KLHL12: variants seen among roughly 807,000 people sequenced by gnomAD.
KLHL12 encodes kelch-like protein 12.
A neutral mutation model predicts 60.8 loss-of-function variants in KLHL12; 17 were observed. The ratio of observed to expected loss-of-function variants is 0.28; its 90% CI spans 0.19 to 0.42. KLHL12 has a LOEUF of 0.42. Among genes scored for constraint, KLHL12 ranks in the 10% least tolerant of loss-of-function variants. The pLI is 1.00. For synonymous variants in KLHL12, 220 were observed against 250.9 expected (o/e 0.88, Z 1.16); for missense variants, 468 against 722.3 (o/e 0.65, Z 4.04).
chr1:202,902,844 A>G (rs1660052577), intron 6 of KLHL12, among the ~76,000 whole-genome samples: 1 of 152,130 alleles, frequency 6.6e-6, no homozygotes, highest in African/African-American at 2.4e-5. Context: ...ACAAAAAATT[A>G]GCCAGGTCTG....
chr1:202,904,016 T>TTATCTATC lies in KLHL12; in HGVS notation c.832+4986_832+4993dup, dbSNP rs59667776. On this transcript the variant is annotated intron_variant, in intron 6 of 11. Coordinates refer to ENST00000367261, the MANE Select transcript of KLHL12 (RefSeq NM_021633.4). ...TGTATCTATCTATCTATCTATCTAT[T>TTATCTATC]TATCTATCTATCTATCTATGAGATG... is the stretch of plus-strand genomic sequence containing the variant. 3.9e-3 allele frequency among the ~76,000 whole-genome samples: 590 copies of TTATCTATC among 150,122 alleles called. 1 individual carries two copies. The highest frequency in any genetic ancestry group is 5.1e-3 in the Non-Finnish European group (346 of 67,766).
At chr1:202,900,606 G>C (rs1260203609) in intron 6 of KLHL12, among the ~76,000 whole-genome samples, 1 of 151,956 alleles carries the variant, frequency 6.6e-6, no homozygotes, top group Non-Finnish European at 1.5e-5. Context: ...GCTCACGCCT[G>C]TAATCACAGC....
Position 202,911,168 on chromosome 1 carries a change from G to C in KLHL12, c.603C>G (p.Ile201Met). Residue 201 changes from isoleucine (I) to methionine (M), a missense_variant, in exon 5 of 12, where the codon ATC (isoleucine) becomes ATG (methionine). Physicochemically the swap from Ile to Met is conservative, Grantham distance 10 (BLOSUM62 1). Transcript: ENST00000367261. The part of the protein sequence containing the change: ...DSEEPVFEAV[I>M]NWVKHAKKER... ...CTTTCTTGGCATGCTTCACCCAGTT[G>C]ATGACAGCCTCAAAGACTGGCTCTT... 6.2e-7 allele frequency: 1 copy of C among 1,614,068 alleles called. No individual in the cohort carries two copies. The highest frequency in any genetic ancestry group is 1.1e-5 in the South Asian group (1 of 91,070).
In KLHL12 at chr1:202,895,427, C is replaced by T. The variant is rs562369125; in HGVS notation, c.1135+95G>A. The stretch of plus-strand genomic sequence containing the variant: ...ATAACATTTGACCTTAATTTTTTCT[C>T]CGTATTTCATGCTCCTGCCAGACAA... On this transcript the variant is annotated intron_variant, in intron 8 of 11. Coordinates refer to ENST00000367261, the MANE Select transcript of KLHL12 (RefSeq NM_021633.4). This position sits in a 1 kb window ranked among gnomAD's most constrained non-coding sequence, Gnocchi z 4.2. 8 of 1,066,996 alleles carry T rather than the reference C, an allele frequency of 7.5e-6. No homozygotes were observed. The highest frequency in any genetic ancestry group is 1.1e-5 in the Non-Finnish European group (8 of 728,022). 66.1% of individuals were successfully genotyped at this position (1,066,996 alleles called of 1,614,324 possible).
At position 202,903,948 on chromosome 1, in the gene KLHL12, A is replaced by G. The variant is rs1353814656; in HGVS notation, c.832+5062T>C. Among the ~76,000 whole-genome samples the G allele has an allele frequency of 2.0e-4, 30 of 151,688 alleles. 1 individual carries two copies. The highest frequency in any genetic ancestry group is 2.0e-3 in the Admixed American group (30 of 15,224). On this transcript the variant is annotated intron_variant, in intron 6 of 11. Transcript: ENST00000367261. ...TCATGCATTCTTATGAGCTCTTTACACACAAATGGTTTTAACCCTTTAACC... is the reference window on the plus strand; with the variant it reads ...TCATGCATTCTTATGAGCTCTTTACGCACAAATGGTTTTAACCCTTTAACC...
In KLHL12 at chr1:202,895,732, A is replaced by T. The variant is rs770944885; in HGVS notation, c.940-15T>A. The T allele has an allele frequency of 9.3e-6, 15 of 1,610,406 alleles. No individual in the cohort carries two copies. Among genetic ancestry groups the T allele is most frequent in the Non-Finnish European group, 1.3e-5 (15 of 1,177,378 alleles). ...CGAGTGATGCTCTATGGATTTGGAG[A>T]GAAGAGGTACAGAGCATTTCAGTTA... On this transcript the variant is annotated splice_polypyrimidine_tract_variant and intron_variant, in intron 7 of 11. Transcript: ENST00000367261. The surrounding 1 kb of genome is among the most constrained non-coding windows in gnomAD (Gnocchi z 4.2).
chr1:202,926,081 G>C (rs930557373), intron 1 of KLHL12, among the ~76,000 whole-genome samples: 11 of 150,144 alleles, frequency 7.3e-5, no homozygotes, highest in Non-Finnish European at 1.5e-5. Context: ...CTCCAGCCTG[G>C]GCAACAGAGC....
intron 4 of KLHL12, 25 bp from the exon 5 acceptor site, chr1:202,911,228 T>C (rs1016848992): frequency 3.1e-6 from 5 of 1,611,928 alleles, no homozygotes; most frequent in Non-Finnish European, 4.2e-6. Context: ...TTACACACCG[T>C]GGATCCTACT....
chr1:202,925,334 A>G, intron 1 of KLHL12, 127 bp from the exon 2 acceptor site: 1 of 1,081,780 alleles, frequency 9.2e-7, no homozygotes, highest in Non-Finnish European at 1.3e-6. Context: ...AGTTGAGGGC[A>G]CTCCTATGCC....
At chr1:202,894,791 G>C in intron 8 of KLHL12, 42 bp from the exon 9 acceptor site, 1 of 1,517,382 alleles carries the variant, frequency 6.6e-7, no homozygotes, top group Non-Finnish European at 9.1e-7. Flanking sequence ...GAGAATGAGA[G>C]ATTTCTAAGA....
chr1:202,899,832 A>AT lies in KLHL12; in HGVS notation c.833-2873_833-2872insA, dbSNP rs1491049231. On this transcript the variant is annotated intron_variant, in intron 6 of 11. Coordinates refer to ENST00000367261, the MANE Select transcript of KLHL12 (RefSeq NM_021633.4). ...AGTAAGACTCCATCTCAAAAAAAAA[A>AT]AAAAAAAATAATAATAATAAATAAA... Among the ~76,000 whole-genome samples the AT allele has an allele frequency of 1.1e-3, 168 of 149,952 alleles. 3 individuals are homozygous for AT. In the East Asian group the frequency reaches 0.029, roughly 26 times the overall value.
chr1:202,917,004 C>G (rs1660542143), intron 4 of KLHL12, among the ~76,000 whole-genome samples: 2 of 151,724 alleles, frequency 1.3e-5, no homozygotes. Context: ...AGAATTGGAC[C>G]ACTGGAGATC....
chr1:202,907,814 G>A (rs553120717), intron 6 of KLHL12, among the ~76,000 whole-genome samples: 70 of 151,426 alleles, frequency 4.6e-4, no homozygotes, highest in Non-Finnish European at 8.3e-4. Context: ...AGGCTGAGGT[G>A]GGAAGACTGC....
chr1:202,911,214 A>C lies in KLHL12; in HGVS notation c.568-11T>G. ...CTCTTCAGAATCCACCTGTAAATGT[A>C]TAATTACACACCGTGGATCCTACTT... On this transcript the variant is annotated splice_polypyrimidine_tract_variant and intron_variant, in intron 4 of 11. Transcript: ENST00000367261. 6.2e-7 allele frequency: 1 copy of C among 1,613,798 alleles called. No individual in the cohort carries two copies. The highest frequency in any genetic ancestry group is 8.5e-7 in the Non-Finnish European group (1 of 1,179,838).
intron 6 of KLHL12, among the ~76,000 whole-genome samples, chr1:202,903,490 T>A (rs1660080496): frequency 6.7e-6 from 1 of 148,594 alleles, no homozygotes; most frequent in Non-Finnish European, 1.5e-5. Flanking sequence ...GACAAGGTCT[T>A]GCTCTGCTGC....
At chr1:202,902,750 G>A (rs1363347923) in intron 6 of KLHL12, among the ~76,000 whole-genome samples, 2 of 152,052 alleles carry the variant, frequency 1.3e-5, no homozygotes. Flanking sequence ...AGCACTTTGG[G>A]AGGCCAAAGC....
chr1:202,895,683 ACT>A lies in KLHL12; in HGVS notation c.972_973del (p.Ser326ProfsTer3). ...GACGTAGATCCGGTCATGAAGGGAC[ACT>A]GAGGCCACATAACGTCTCTTACGAG... On this transcript the variant is annotated frameshift_variant, in exon 8 of 12. Coordinates refer to ENST00000367261, the MANE Select transcript of KLHL12 (RefSeq NM_021633.4). LOFTEE classifies it high-confidence loss of function. The surrounding 1 kb of genome is among the most constrained non-coding windows in gnomAD (Gnocchi z 4.2). 1 of 1,614,180 alleles carries A rather than the reference ACT, an allele frequency of 6.2e-7. No homozygotes were observed. Among genetic ancestry groups the A allele is most frequent in the Non-Finnish European group, 8.5e-7 (1 of 1,180,004 alleles).
intron 4 of KLHL12, chr1:202,912,445 T>C (rs1660392524): frequency 1.2e-6 from 1 of 847,562 alleles, no homozygotes; most frequent in Non-Finnish European, 2.0e-6. Flanking sequence ...GTGGTTTCGG[T>C]TGGCATGACA....
intron 6 of KLHL12, among the ~76,000 whole-genome samples, chr1:202,904,994 G>A (rs768494700): frequency 3.9e-5 from 6 of 152,176 alleles, no homozygotes; most frequent in Non-Finnish European, 7.4e-5. Flanking sequence ...TCATTATCCT[G>A]GTAGCTGGTT....
Sources: allele counts gnomAD v4.1 joint callset (sites outside exome capture counted in the v4.1 genomes callset), GRCh38; gene constraint gnomAD v4.1.1; non-coding constraint Gnocchi (gnomAD v3.1); transcripts MANE v1.5; gene names NCBI Gene and HGNC (gene_info 2026-07-23, HGNC 2026-07-21).